Variants in PRPSAP1 observed in about 807,000 individuals in gnomAD.
PRPSAP1 encodes phosphoribosyl pyrophosphate synthase-associated protein 1.
PRPSAP1 carries 31 observed loss-of-function variants against 39.4 expected under a neutral mutation model. The observed-to-expected ratio is 0.79, with a 90% CI of 0.59 to 1.06. The LOEUF (loss-of-function observed/expected upper bound fraction) is 1.06, where lower values mean the gene tolerates loss of function less well. PRPSAP1 is among the 50% of genes least tolerant of loss of function. The probability of loss-of-function intolerance (pLI) is 0.00; values close to 1 mark genes in which losing one functional copy is unlikely to be tolerated. For synonymous variants in PRPSAP1, 212 were observed against 192.6 expected (o/e 1.10, Z -0.83); for missense variants, 430 against 511.6 (o/e 0.84, Z 1.54).
chr17:76,323,915 G>A (rs574136706), intron 7 of PRPSAP1, among the ~76,000 whole-genome samples: 7 of 152,102 alleles, frequency 4.6e-5, no homozygotes, highest in African/African-American at 1.4e-4. Context: ...GGAGGCCGAG[G>A]CGGGCAGATC....
intron 3 of PRPSAP1, among the ~76,000 whole-genome samples, chr17:76,341,095 G>T (rs1216182702): frequency 6.6e-6 from 1 of 152,022 alleles, no homozygotes; most frequent in African/African-American, 2.4e-5. Flanking sequence ...GATGCCAAGA[G>T]CACAGCTGCT....
intron 3 of PRPSAP1, among the ~76,000 whole-genome samples, chr17:76,344,365 G>A (rs543955606): frequency 2.0e-5 from 3 of 152,238 alleles, no homozygotes; most frequent in South Asian, 2.1e-4. Flanking sequence ...TCCTGACCTC[G>A]TGATCCGCCC....
intron 3 of PRPSAP1, among the ~76,000 whole-genome samples, chr17:76,333,353 G>A (rs369946807): frequency 6.6e-6 from 1 of 152,024 alleles, no homozygotes; most frequent in Non-Finnish European, 1.5e-5. Context: ...TAGGTGATCC[G>A]CCCACCTCGG....
At chr17:76,325,069 CA>C (rs71161285) in intron 7 of PRPSAP1, among the ~76,000 whole-genome samples, 65,176 of 117,426 alleles carry the variant, frequency 0.56, 16,941 homozygotes, top group Non-Finnish European at 0.62. Flanking sequence ...CGTCTCAAAA[CA>C]AAAAAAAAAA....
chr17:76,321,232 T>C (rs1353801951), intron 7 of PRPSAP1, among the ~76,000 whole-genome samples: 6 of 152,106 alleles, frequency 3.9e-5, no homozygotes. Flanking sequence ...TCCAATTGTT[T>C]TGGGGCAGCA....
chr17:76,337,394 C>T (rs1361471028), intron 3 of PRPSAP1: 8 of 151,722 alleles, frequency 5.3e-5, no homozygotes, highest in South Asian at 2.1e-4. Flanking sequence ...AAGGATGACA[C>T]GCAAATTCGT....
chr17:76,319,173 C>T (rs776495581), intron 7 of PRPSAP1, among the ~76,000 whole-genome samples: 3 of 151,816 alleles, frequency 2.0e-5, no homozygotes, highest in East Asian at 1.9e-4. Flanking sequence ...CTCCTGACCT[C>T]GTGATCTGCC....
At chr17:76,318,497 A>G (rs991448109) in intron 7 of PRPSAP1, among the ~76,000 whole-genome samples, 2 of 152,162 alleles carry the variant, frequency 1.3e-5, no homozygotes, top group Non-Finnish European at 2.9e-5. Context: ...TCTTCCTAAA[A>G]AATGCAAAGA....
At chr17:76,328,366 C>A (rs1256074768) in intron 7 of PRPSAP1, among the ~76,000 whole-genome samples, 1 of 152,120 alleles carries the variant, frequency 6.6e-6, no homozygotes, top group Admixed American at 6.6e-5. Context: ...CTGAGGCGAG[C>A]AGATCACCAG....
chr17:76,320,325 AAGGG>A (rs1317049716), intron 7 of PRPSAP1, among the ~76,000 whole-genome samples: 1 of 126,886 alleles, frequency 7.9e-6, no homozygotes, highest in African/African-American at 3.3e-5. Context: ...GGAAGGGAAG[AAGGG>A]AGGGAGGGAG....
intron 2 of PRPSAP1, among the ~76,000 whole-genome samples, 189 bp downstream of exon 2, chr17:76,348,340 G>T (rs562919519): frequency 3.3e-5 from 5 of 151,732 alleles, no homozygotes; most frequent in African/African-American, 1.2e-4. Flanking sequence ...GGGTGTGGTG[G>T]CGGGCGTCTG....
intron 8 of PRPSAP1, chr17:76,313,325 A>ATT: frequency 2.2e-5 from 6 of 270,260 alleles, no homozygotes; most frequent in Non-Finnish European, 2.1e-5. Context: ...CGTTCCATTT[A>ATT]TTTTTTTTTC....
intron 7 of PRPSAP1, among the ~76,000 whole-genome samples, chr17:76,324,304 A>C (rs1389907468): frequency 2.0e-5 from 3 of 151,850 alleles, no homozygotes; most frequent in Non-Finnish European, 4.4e-5. Flanking sequence ...CTGACATTTT[A>C]AAAAATGCTG....
chr17:76,314,231 T>TGTATGTATGTATGTA, intron 7 of PRPSAP1: 30 of 271,708 alleles, frequency 1.1e-4, no homozygotes, highest in South Asian at 3.9e-4. Flanking sequence ...TATGTATGTA[T>TGTATGTATGTATGTA]TTTTTGAGAC....
chr17:76,311,471 A>G lies in PRPSAP1; in HGVS notation c.*71T>C. On this transcript the variant is annotated 3_prime_UTR_variant, in exon 10 of 10. Transcript: ENST00000446526. The stretch of plus-strand genomic sequence containing the variant: ...TTCGAGTCCTCCCTTGCAAGGAAAC[A>G]CTGTATCACTCATGGCACTGCTTTT... 6.7e-7 allele frequency: 1 copy of G among 1,501,270 alleles called. No homozygotes were observed. Among genetic ancestry groups the G allele is most frequent in the Non-Finnish European group, 9.0e-7 (1 of 1,115,090 alleles). The allele number at this position is 1,501,270 out of a possible 1,614,324, so 93.0% of individuals were successfully genotyped here.
intron 9 of PRPSAP1, among the ~76,000 whole-genome samples, chr17:76,312,103 G>A (rs983761632): frequency 2.0e-5 from 3 of 152,164 alleles, no homozygotes; most frequent in Non-Finnish European, 4.4e-5. Flanking sequence ...ACAGGGTTAT[G>A]TCTGGATAAA....
At chr17:76,326,338 G>C (rs1345601626) in intron 7 of PRPSAP1, among the ~76,000 whole-genome samples, 3 of 152,012 alleles carry the variant, frequency 2.0e-5, no homozygotes, top group African/African-American at 7.3e-5. Context: ...ATTTTGATGA[G>C]AAGCAGAATA....
chr17:76,345,972 C>T, intron 2 of PRPSAP1: 1 of 470,428 alleles, frequency 2.1e-6, no homozygotes, highest in Non-Finnish European at 4.2e-6. Flanking sequence ...CCTAAAAAGG[C>T]CACTGCAAAG....
intron 7 of PRPSAP1, among the ~76,000 whole-genome samples, chr17:76,319,899 T>C (rs1001825871): frequency 6.6e-6 from 1 of 152,080 alleles, no homozygotes; most frequent in Non-Finnish European, 1.5e-5. Flanking sequence ...TCCAAAAGTG[T>C]TGGGGACATG....
Sources: gnomAD v4.1 joint callset for allele counts (sites outside exome capture counted in the v4.1 genomes callset) on GRCh38, gnomAD v4.1.1 for gene constraint, MANE v1.5 for transcripts, NCBI Gene and HGNC (gene_info 2026-07-23, HGNC 2026-07-21) for gene names.